Variants in KIAA1217 observed in about 807,000 individuals in gnomAD.
The protein encoded by KIAA1217 is sickle tail protein homolog.
A neutral mutation model predicts 163.9 loss-of-function variants in KIAA1217; 88 were observed. That is an observed-to-expected ratio of 0.54 (90% CI 0.45 to 0.64). The LOEUF (loss-of-function observed/expected upper bound fraction) is 0.64, where lower values mean the gene tolerates loss of function less well. Ranked by LOEUF, KIAA1217 falls within the 30% of genes least tolerant of loss-of-function variation. The pLI, the probability that KIAA1217 is intolerant of heterozygous loss-of-function variation, is 0.00. For synonymous variants in KIAA1217, 903 were observed against 923.1 expected, an observed-to-expected ratio of 0.98 and a Z score of 0.39; for missense variants, 2,372 against 2,475.0, an observed-to-expected ratio of 0.96 and a Z score of 0.88.
At chr10:23,950,054 T>A (rs1382786214) in intron 1 of KIAA1217, among the ~76,000 whole-genome samples, 1 of 152,182 alleles carries the variant, frequency 6.6e-6, no homozygotes, top group Non-Finnish European at 1.5e-5. Context: ...GAAATTGCAA[T>A]CGTTCAGGGC....
intron 1 of KIAA1217, among the ~76,000 whole-genome samples, chr10:23,937,395 C>T (rs1843577357): frequency 6.6e-6 from 1 of 152,112 alleles, no homozygotes. Flanking sequence ...TTACCTGAAA[C>T]TCATTCCTAG....
intron 2 of KIAA1217, among the ~76,000 whole-genome samples, chr10:24,160,283 A>G (rs1424864551): frequency 3.3e-5 from 5 of 152,324 alleles, no homozygotes; most frequent in Non-Finnish European, 4.4e-5. Flanking sequence ...GCCTTCTGGA[A>G]TGTTTATAGG....
intron 2 of KIAA1217, among the ~76,000 whole-genome samples, chr10:24,168,751 A>G (rs574634774): frequency 3.4e-4 from 52 of 152,364 alleles, no homozygotes; most frequent in African/African-American, 1.2e-3. Flanking sequence ...ACTGTCTGAC[A>G]TTATCAGTGT....
rs144905752 is a variant in KIAA1217, at chr10:23,803,655, C to T, written c.-321+108421C>T. Among the ~76,000 whole-genome samples, 8 of 152,296 alleles carry T rather than the reference C, an allele frequency of 5.3e-5. 1 individual carries two copies. In the East Asian group the frequency reaches 1.5e-3, roughly 29 times the overall value. On this transcript the variant is annotated intron_variant, in intron 1 of 18. Coordinates refer to the KIAA1217 transcript ENST00000376462. ...AATCTGTTTCTTGGGGGGACCTGAA[C>T]TATGACATCTGTCTTTGTTTATGAT...
chr10:24,154,022 A>G (rs1589697722), intron 2 of KIAA1217, among the ~76,000 whole-genome samples: 1 of 139,374 alleles, frequency 7.2e-6, no homozygotes, highest in African/African-American at 2.7e-5. Context: ...CAGTGGCGGG[A>G]TCTCGGCTCA....
At chr10:23,830,860 A>G (rs1304072750) in intron 1 of KIAA1217, among the ~76,000 whole-genome samples, 1 of 151,920 alleles carries the variant, frequency 6.6e-6, no homozygotes, top group Non-Finnish European at 1.5e-5. Flanking sequence ...TCACTCACAT[A>G]TACCTGCTTA....
At chr10:24,404,000 A>G (rs1181952468) in intron 3 of KIAA1217, among the ~76,000 whole-genome samples, 1 of 152,116 alleles carries the variant, frequency 6.6e-6, no homozygotes, top group East Asian at 1.9e-4. Flanking sequence ...TCTGTTGCCC[A>G]GGTTGGAGTA....
intron 1 of KIAA1217, among the ~76,000 whole-genome samples, chr10:23,863,147 C>T (rs1244649930): frequency 6.6e-6 from 1 of 152,130 alleles, no homozygotes; most frequent in Non-Finnish European, 1.5e-5. Context: ...CTTCAGTTTC[C>T]TCATCTGTGA....
chr10:24,545,352 G>A, intron 20 of KIAA1217: 1 of 1,377,668 alleles, frequency 7.3e-7, no homozygotes, highest in Non-Finnish European at 9.4e-7. Flanking sequence ...AACACACGGT[G>A]CCAGACCAGG....
chr10:24,094,902 CG>C (rs546375669), intron 2 of KIAA1217, among the ~76,000 whole-genome samples: 16 of 152,312 alleles, frequency 1.1e-4, no homozygotes, highest in Admixed American at 7.2e-4. Context: ...TCGAGCTTCC[CG>C]GCTGCTTTGT....
chr10:23,854,768 A>G (rs1041405654), intron 1 of KIAA1217, among the ~76,000 whole-genome samples: 9 of 152,084 alleles, frequency 5.9e-5, no homozygotes, highest in African/African-American at 2.2e-4. Context: ...CCATTATGTA[A>G]TGGCCTTCTT....
At chr10:23,745,916 C>T (rs1012962940) in intron 1 of KIAA1217, among the ~76,000 whole-genome samples, 2 of 152,222 alleles carry the variant, frequency 1.3e-5, no homozygotes, top group South Asian at 4.1e-4. Flanking sequence ...TACTTACCTT[C>T]CTTTCATGGT....
intron 2 of KIAA1217, among the ~76,000 whole-genome samples, chr10:24,376,371 G>T (rs554657379): frequency 2.6e-5 from 4 of 152,300 alleles, no homozygotes; most frequent in South Asian, 2.1e-4. Flanking sequence ...TCAACCTCTG[G>T]CCTTACAGAT....
At position 23,782,011 on chromosome 10, in the gene KIAA1217, A is replaced by G. The variant is rs527577247; in HGVS notation, c.-321+86777A>G. Among the ~76,000 whole-genome samples the G allele has an allele frequency of 8.3e-4, 126 of 151,846 alleles. 2 individuals carry two copies. Among genetic ancestry groups the G allele is most frequent in the Non-Finnish European group, 7.4e-5 (5 of 67,928 alleles). On this transcript the variant is annotated intron_variant, in intron 1 of 18. Transcript: ENST00000376462. The stretch of plus-strand genomic sequence containing the variant: ...TAAATCAAGAAGTGCAATACCCCAA[A>G]CTTTGTTTTCGTTTTTCAAGATCGC...
chr10:23,790,521 A>C (rs185453143), intron 1 of KIAA1217, among the ~76,000 whole-genome samples: 1 of 104,420 alleles, frequency 9.6e-6, no homozygotes, highest in South Asian at 2.7e-4. Context: ...ATATGTATAT[A>C]TACATATATA....
In KIAA1217 at chr10:23,821,104, C is replaced by CGTGT. The variant is rs3072739; in HGVS notation, c.-321+125900_-321+125903dup. Among the ~76,000 whole-genome samples, 1,157 of 143,208 alleles carry CGTGT rather than the reference C, an allele frequency of 8.1e-3. 16 individuals carry two copies. The highest frequency in any genetic ancestry group is 0.025 in the African/African-American group (1,008 of 39,740). The allele number at this position is 143,208 out of a possible 152,430, so 94.0% of individuals were successfully genotyped here. A position where few individuals can be genotyped will look rare whatever the true frequency, so the allele number is the denominator to read the frequency against. Reference sequence around the variant, plus strand: ...TAATTTTCTTGCAGCTGTGTGTGTGCGTGTGTGTGTGTGTGTGTGTGTGTG... The same window carrying CGTGT: ...TAATTTTCTTGCAGCTGTGTGTGTGCGTGTGTGTGTGTGTGTGTGTGTGTGTGTG... On this transcript the variant is annotated intron_variant, in intron 1 of 18. Transcript: ENST00000376462.
At chr10:24,009,378 G>T (rs1847146775) in intron 2 of KIAA1217, among the ~76,000 whole-genome samples, 1 of 151,564 alleles carries the variant, frequency 6.6e-6, no homozygotes, top group African/African-American at 2.4e-5. Flanking sequence ...AACATCGACA[G>T]GGATTTTTTT....
chr10:23,963,567 A>G (rs1844916214), intron 1 of KIAA1217, among the ~76,000 whole-genome samples: 1 of 152,212 alleles, frequency 6.6e-6, no homozygotes, highest in Non-Finnish European at 1.5e-5. Flanking sequence ...ACAGTGCCGC[A>G]ATAAACATAG....
chr10:23,831,256 T>G (rs942651626), intron 1 of KIAA1217, among the ~76,000 whole-genome samples: 1 of 146,754 alleles, frequency 6.8e-6, no homozygotes, highest in African/African-American at 2.5e-5. Context: ...TATAGATAAA[T>G]GGGACTACAT....
Sources: allele counts gnomAD v4.1 joint callset (sites outside exome capture counted in the v4.1 genomes callset), GRCh38; gene constraint gnomAD v4.1.1; transcripts MANE v1.5; gene names NCBI Gene and HGNC (gene_info 2026-07-23, HGNC 2026-07-21).